Variants in ABL2 observed in about 807,000 individuals in gnomAD.
ABL2 encodes the protein tyrosine-protein kinase ABL2.
In ABL2, 49 loss-of-function variants were observed where a neutral mutation model predicts 107.7. The ratio of observed to expected loss-of-function variants is 0.45; its 90% CI spans 0.36 to 0.58. ABL2 has a LOEUF of 0.58. ABL2 is among the 20% of genes least tolerant of loss of function. ABL2 has a pLI of 0.00. For missense variants in ABL2, 1,245 were observed against 1,457.0 expected (o/e 0.85, Z 2.37); for synonymous variants, 549 against 548.6 (o/e 1.00, Z -0.01).
chr1:179,229,244 G>A lies in ABL2; in HGVS notation c.154C>T (p.His52Tyr). 2 of 1,341,748 alleles carry A rather than the reference G, an allele frequency of 1.5e-6. No individual in the cohort carries two copies. Among genetic ancestry groups the A allele is most frequent in the South Asian group, 1.2e-5 (1 of 81,454 alleles). The allele number at this position is 1,341,748 out of a possible 1,614,324, so 83.1% of individuals were successfully genotyped here. Residue 52 changes from histidine (H) to tyrosine (Y), a missense_variant, in exon 1 of 12, where the codon CAT becomes TAT. Coordinates refer to ENST00000502732, the MANE Select transcript of ABL2 (RefSeq NM_007314.4). ...GCCGGCTCCCAGACACACTCACCAT[G>A]CTGGGTGAAGATATTGAAGCCGGTC... ...TETGFNIFTQ[H>Y]DHFASCVEDG...
Position 179,118,670 on chromosome 1 carries a change from C to T in ABL2, c.1140G>A (p.Glu380=), listed in dbSNP as rs199688019. 6.8e-6 allele frequency: 11 copies of T among 1,613,800 alleles called. No individual in the cohort carries two copies. Among genetic ancestry groups the T allele is most frequent in the Non-Finnish European group, 8.5e-6 (10 of 1,179,934 alleles). ...LDYLRECNRE[E]VTAVVLLYMA... ...TGTAGAGCAGCACAACTGCAGTCAC[C>T]TCTTCTCGGTTGCATTCTCGGAGGT... Residue 380 remains glutamate, a synonymous_variant, in exon 7 of 12, where the codon GAG becomes GAA. Coordinates refer to ENST00000502732, the MANE Select transcript of ABL2 (RefSeq NM_007314.4).
At chr1:179,176,602 A>G (rs996139108) in intron 1 of ABL2, among the ~76,000 whole-genome samples, 1 of 152,150 alleles carries the variant, frequency 6.6e-6, no homozygotes, top group African/African-American at 2.4e-5. Flanking sequence ...TGGGAGCTGA[A>G]GGCAAATATC....
rs35138436 is a variant in ABL2, at chr1:179,176,702, C to CTTTTTTTTT, written c.158-43337_158-43329dup. 1.9e-5 allele frequency among the ~76,000 whole-genome samples: 2 copies of CTTTTTTTTT among 107,298 alleles called. 1 individual carries two copies. The allele number at this position is 107,298 out of a possible 152,430, so 70.4% of individuals were successfully genotyped here. A position where few individuals can be genotyped will look rare whatever the true frequency, so the allele number is the denominator to read the frequency against. ...TTTGTTTTTAGTGTTGTTACATATTCTTTTTTTTTTCCAGACAGATTCTCA... is the reference window on the plus strand; with the variant it reads ...TTTGTTTTTAGTGTTGTTACATATTCTTTTTTTTTTTTTTTTTTTCCAGACAGATTCTCA... On this transcript the variant is annotated intron_variant, in intron 1 of 11. Coordinates refer to ENST00000502732, the MANE Select transcript of ABL2 (RefSeq NM_007314.4).
chr1:179,117,318 C>T lies in ABL2; in HGVS notation c.1408+14G>A, dbSNP rs556356138. 111 of 1,612,704 alleles carry T rather than the reference C, an allele frequency of 6.9e-5. No homozygotes were observed. The South Asian group carries it at 1.2e-3, about 17-fold the overall frequency. On this transcript the variant is annotated intron_variant, in intron 8 of 11. Coordinates refer to ENST00000502732, the MANE Select transcript of ABL2 (RefSeq NM_007314.4). ...AAATAAAATGACACAGAAAAAAGTC[C>T]CTTTCAACCTTACCCCAGACGTCAG...
Position 179,110,671 on chromosome 1 carries a change from A to G in ABL2, c.1652-216T>C, listed in dbSNP as rs570856479. ...GCTGCTGCATGTGGCAGGGGTTCTC[A>G]TTGCTGTGTAGCATGCCAACGTGTG... On this transcript the variant is annotated intron_variant, in intron 10 of 11. Coordinates refer to ENST00000502732, the MANE Select transcript of ABL2 (RefSeq NM_007314.4). The G allele has an allele frequency of 1.8e-5, 28 of 1,564,400 alleles. No homozygotes were observed. In the African/African-American group the frequency reaches 3.6e-4, roughly 20 times the overall value.
In ABL2 at chr1:179,183,953, A is replaced by C. The variant is rs144033690; in HGVS notation, c.157+45288T>G. 441 of 267,250 alleles carry C rather than the reference A, an allele frequency of 1.7e-3. 1 individual carries two copies. The highest frequency in any genetic ancestry group is 9.0e-3 in the African/African-American group (391 of 43,570). 16.6% of individuals were successfully genotyped at this position (267,250 alleles called of 1,614,324 possible). Reference sequence around the variant, plus strand: ...GCCTCTCTAGACTTGCCGAAGAGAGAAAAAGAACAGCAGGAAGCAACTGAA... The same window carrying C: ...GCCTCTCTAGACTTGCCGAAGAGAGCAAAAGAACAGCAGGAAGCAACTGAA... On this transcript the variant is annotated intron_variant, in intron 1 of 11. Transcript: ENST00000502732.
chr1:179,229,373 C>T lies in ABL2; in HGVS notation c.25G>A (p.Gly9Arg). The change falls in exon 1 of 12, where the codon GGG (glycine) becomes AGG (arginine). Residue 9 changes from glycine (G) to arginine (R), a missense_variant. Gly to Arg is a moderately radical substitution (Grantham distance 125). Coordinates refer to ENST00000502732, the MANE Select transcript of ABL2 (RefSeq NM_007314.4). MGQQVGRV[G>R]EAPGLQQPQP... ...GGCTGCTGGAGCCCCGGAGCTTCCC[C>T]GACGCGGCCCACCTGCTGCCCCATC... 1.3e-6 allele frequency: 2 copies of T among 1,564,562 alleles called. No individual in the cohort carries two copies. Among genetic ancestry groups the T allele is most frequent in the Non-Finnish European group, 1.7e-6 (2 of 1,161,134 alleles).
intron 1 of ABL2, among the ~76,000 whole-genome samples, chr1:179,165,834 T>C (rs1402090769): frequency 2.0e-5 from 3 of 151,892 alleles, no homozygotes; most frequent in Middle Eastern, 6.8e-3. Context: ...TCGCTCTTGT[T>C]GCCCAGGCTG....
chr1:179,214,618 C>T (rs1662463467), intron 1 of ABL2, among the ~76,000 whole-genome samples: 1 of 147,500 alleles, frequency 6.8e-6, no homozygotes, highest in African/African-American at 2.5e-5. Flanking sequence ...CAAATTAATA[C>T]AATGGAAAAA....
intron 5 of ABL2, among the ~76,000 whole-genome samples, chr1:179,121,319 T>C (rs575517170): frequency 6.6e-5 from 10 of 152,340 alleles, no homozygotes; most frequent in Non-Finnish European, 1.2e-4. Flanking sequence ...ATTTTGCTTT[T>C]ATAACTTTTA....
chr1:179,186,027 T>G (rs924716972), intron 1 of ABL2, among the ~76,000 whole-genome samples: 1 of 151,964 alleles, frequency 6.6e-6, no homozygotes, highest in Non-Finnish European at 1.5e-5. Flanking sequence ...GGGAGATCAC[T>G]TAAGGCCAGG....
chr1:179,206,050 A>G (rs1328518130), intron 1 of ABL2, among the ~76,000 whole-genome samples: 1 of 152,210 alleles, frequency 6.6e-6, no homozygotes, highest in Non-Finnish European at 1.5e-5. Context: ...GGGATGTTGA[A>G]TAACATGCCC....
intron 8 of ABL2, among the ~76,000 whole-genome samples, chr1:179,115,790 C>A (rs1351610951): frequency 2.0e-5 from 3 of 152,098 alleles, no homozygotes; most frequent in African/African-American, 7.2e-5. Flanking sequence ...AAAATGGATT[C>A]ATTTAAAATC....
At chr1:179,180,413 C>T (rs1011464735) in intron 1 of ABL2, among the ~76,000 whole-genome samples, 3 of 152,132 alleles carry the variant, frequency 2.0e-5, no homozygotes, top group African/African-American at 7.2e-5. Context: ...GGAGCTGCCA[C>T]GAAGGTTCTA....
chr1:179,166,719 G>A (rs1371054689), intron 1 of ABL2, among the ~76,000 whole-genome samples: 1 of 151,286 alleles, frequency 6.6e-6, no homozygotes, highest in Non-Finnish European at 1.5e-5. Context: ...AGAGGTTGCA[G>A]GGAGCCGAGA....
At chr1:179,184,206 G>A (rs1014039279) in intron 1 of ABL2, 10 of 484,604 alleles carry the variant, frequency 2.1e-5, no homozygotes, top group South Asian at 1.6e-4. Flanking sequence ...CAAAGTTGAA[G>A]TGACAGAATT....
rs1653273187 is a variant in ABL2 at position 179,103,530 on chromosome 1, T to C, written c.*4188A>G. ...TAGGTTTTTTAAAAACTCAAGTTGG[T>C]ATTTCTTTACTACAAAGTGCACATT... is the stretch of plus-strand genomic sequence containing the variant. On this transcript the variant is annotated 3_prime_UTR_variant, in exon 12 of 12. Transcript: ENST00000502732. 9.4e-6 allele frequency: 2 copies of C among 213,602 alleles called. No homozygotes were observed. The highest frequency in any genetic ancestry group is 4.5e-5 in the African/African-American group (2 of 44,196). The allele number at this position is 213,602 out of a possible 1,614,324, so 13.2% of individuals were successfully genotyped here. A position where few individuals can be genotyped will look rare whatever the true frequency, so the allele number is the denominator to read the frequency against.
In ABL2 at chr1:179,126,612, T is replaced by G. The variant is rs771306580; in HGVS notation, c.452A>C (p.Lys151Thr). Residue 151 changes from lysine to threonine, a missense_variant, in exon 4 of 12, where the codon AAG becomes ACG. This residue lies in a region of ABL2 where 320 missense variants were observed against 547.0 expected (regional missense o/e 0.59). Coordinates refer to ENST00000502732, the MANE Select transcript of ABL2 (RefSeq NM_007314.4). The surrounding 1 kb of genome is among the most constrained non-coding windows in gnomAD (Gnocchi z 4.4). ...GCTTGGCACCCAGCCCTGCCCATTC[T>G]TAGAGCGAACTTCACTCCACTCACC... is the stretch of plus-strand genomic sequence containing the variant. ...QNGEWSEVRS[K>T]NGQGWVPSNY... The G allele has an allele frequency of 6.2e-7, 1 of 1,614,188 alleles. No homozygotes were observed. Among genetic ancestry groups the G allele is most frequent in the African/African-American group, 1.3e-5 (1 of 75,058 alleles).
rs577516981 is a variant in ABL2, at chr1:179,108,603, G to A, written c.2664C>T (p.Pro888=). Residue 888 remains proline, a synonymous_variant, in exon 12 of 12, where the codon CCC becomes CCT. Coordinates refer to ENST00000502732, the MANE Select transcript of ABL2 (RefSeq NM_007314.4). ...GVGVAGVAAA[P]KGKEKNGGAR... is the part of the protein sequence containing the mutation. ...CCCCACCATTCTTCTCTTTACCCTT[G>A]GGGGCAGCTGCCACTCCAGCCACTC... 1.9e-6 allele frequency: 3 copies of A among 1,613,936 alleles called. No individual in the cohort carries two copies. The highest frequency in any genetic ancestry group is 1.3e-5 in the African/African-American group (1 of 74,902).
Sources: allele counts gnomAD v4.1 joint callset (sites outside exome capture counted in the v4.1 genomes callset), GRCh38; gene constraint gnomAD v4.1.1; regional missense constraint gnomAD v4.1.1; non-coding constraint Gnocchi (gnomAD v3.1); transcripts MANE v1.5; gene names NCBI Gene and HGNC (gene_info 2026-07-23, HGNC 2026-07-21).